Variants in NCOR2 observed in about 807,000 individuals in gnomAD.
NCOR2 encodes CTG repeat protein 26.
NCOR2 carries 81 observed loss-of-function variants against 262.9 expected under a neutral mutation model. The ratio of observed to expected loss-of-function variants is 0.31; its 90% CI spans 0.26 to 0.37. NCOR2 has a LOEUF of 0.37. NCOR2 is among the 10% of genes least tolerant of loss of function. The pLI, the probability that NCOR2 is intolerant of heterozygous loss-of-function variation, is 1.00. For synonymous variants in NCOR2, 1,659 were observed against 1,559.3 expected, an observed-to-expected ratio of 1.06 and a Z score of -1.51; for missense variants, 3,385 against 3,621.4, an observed-to-expected ratio of 0.93 and a Z score of 1.68.
chr12:124,550,504 ATGG>A (rs2051681434), intron 1 of NCOR2, among the ~76,000 whole-genome samples: 1 of 151,986 alleles, frequency 6.6e-6, no homozygotes, highest in Non-Finnish European at 1.5e-5. Context: ...CAGGGGGAGG[ATGG>A]TGAACGGGGG....
At chr12:124,473,235 G>T in intron 3 of NCOR2, 104 bp from the exon 6 acceptor site, 1 of 1,314,836 alleles carries the variant, frequency 7.6e-7, no homozygotes, top group Non-Finnish European at 1.1e-6. Flanking sequence ...ATTGAAGGAG[G>T]CAAAGTATTG....
intron 1 of NCOR2, among the ~76,000 whole-genome samples, chr12:124,511,563 G>A (rs1251731936): frequency 6.6e-6 from 1 of 152,246 alleles, no homozygotes; most frequent in Non-Finnish European, 1.5e-5. Context: ...AGAGCCTCCT[G>A]CCTCTGGGTC....
chr12:124,421,440 T>C (rs893758322), intron 12 of NCOR2, among the ~76,000 whole-genome samples: 2 of 152,352 alleles, frequency 1.3e-5, no homozygotes, highest in African/African-American at 4.8e-5. Context: ...ACGTCGTCAC[T>C]CAGAAGATGG....
chr12:124,398,015 G>A, intron 16 of NCOR2, 104 bp downstream of exon 18: 1 of 1,352,994 alleles, frequency 7.4e-7, no homozygotes, highest in Non-Finnish European at 1.1e-6. Flanking sequence ...CCTCACCACA[G>A]CCCCTGGCTC....
intron 37 of NCOR2, 145 bp downstream of exon 39, chr12:124,339,861 C>A (rs182960157): frequency 1.8e-6 from 2 of 1,099,726 alleles, no homozygotes; most frequent in East Asian, 5.3e-5. Flanking sequence ...CCACTACTCA[C>A]ACATAGTCTA....
chr12:124,406,537 A>C (rs1420583922), intron 13 of NCOR2, among the ~76,000 whole-genome samples: 2 of 152,164 alleles, frequency 1.3e-5, no homozygotes, highest in Non-Finnish European at 2.9e-5. Flanking sequence ...ACGTGAGGGG[A>C]CTGAAAGGAG....
exon 32 of NCOR2, chr12:124,344,906 T>G: frequency 6.3e-7 from 1 of 1,576,408 alleles, no homozygotes; most frequent in Non-Finnish European, 8.6e-7. Flanking sequence ...TCGTGCTTTT[T>G]GGAGCCAGTG....
intron 1 of NCOR2, among the ~76,000 whole-genome samples, chr12:124,489,965 G>C (rs1275319667): frequency 6.6e-6 from 1 of 152,158 alleles, no homozygotes; most frequent in Non-Finnish European, 1.5e-5. Context: ...ACACTGAAAG[G>C]AAAGGAAGAA....
chr12:124,340,694 C>G (rs1464537963), exon 35 of NCOR2: 1 of 1,531,938 alleles, frequency 6.5e-7, no homozygotes, highest in African/African-American at 1.4e-5. Flanking sequence ...GGCTGGGGTG[C>G]CTGGTGTCGG....
intron 16 of NCOR2, among the ~76,000 whole-genome samples, chr12:124,395,701 C>T (rs938781212): frequency 3.9e-5 from 6 of 151,932 alleles, no homozygotes; most frequent in South Asian, 2.1e-4. Context: ...GCGGTGGGGG[C>T]GGGGGTGGTC....
At chr12:124,495,341 A>C, upstream of NCOR2, 1 of 1,470,036 alleles carries the variant, frequency 6.8e-7, no homozygotes, top group Non-Finnish European at 9.0e-7. This position sits in a 1 kb window ranked among gnomAD's most constrained non-coding sequence, Gnocchi z 4.4. Flanking sequence ...CCTCGTCATC[A>C]GCTCACGGGC....
At chr12:124,532,723 G>A (rs1416077446) in intron 1 of NCOR2, among the ~76,000 whole-genome samples, 10 of 152,154 alleles carry the variant, frequency 6.6e-5, no homozygotes, top group Non-Finnish European at 1.2e-4. Context: ...GCCGATGGAC[G>A]GGGGACAGAG....
chr12:124,395,593 C>T (rs1458170879), intron 16 of NCOR2, among the ~76,000 whole-genome samples: 1 of 152,200 alleles, frequency 6.6e-6, no homozygotes, highest in African/African-American at 2.4e-5. Context: ...CTCCTCTCCG[C>T]CGGTGAGTCA....
At chr12:124,325,392 C>CCCCGGG in exon 47 of NCOR2, 2 of 1,152,266 alleles carry the variant, frequency 1.7e-6, no homozygotes, top group Non-Finnish European at 2.2e-6. Flanking sequence ...CCCCCCCGCC[C>CCCCGGG]TGTTCTGAGT....
At chr12:124,558,635 C>G (rs2051964730) in intron 1 of NCOR2, among the ~76,000 whole-genome samples, 1 of 152,194 alleles carries the variant, frequency 6.6e-6, no homozygotes, top group African/African-American at 2.4e-5. Context: ...CAATGATCCA[C>G]TTTTGCATAG....
At chr12:124,505,183 G>A (rs1330738815) in intron 1 of NCOR2, among the ~76,000 whole-genome samples, 1 of 152,126 alleles carries the variant, frequency 6.6e-6, no homozygotes, top group Non-Finnish European at 1.5e-5. Flanking sequence ...TACATGCCCT[G>A]CCTGGCTGGT....
Position 124,362,373 on chromosome 12 carries a change from G to C in NCOR2, c.2929-76C>G, listed in dbSNP as rs74820880. 5,362 of 1,276,388 alleles carry C rather than the reference G, an allele frequency of 4.2e-3. 204 individuals carry two copies. In the African/African-American group the frequency reaches 0.071, roughly 17 times the overall value. 79.1% of individuals were successfully genotyped at this position (1,276,388 alleles called of 1,614,324 possible). ...CAGGGTCAGGGAGAGACATGCACGC[G>C]ACCAGCCTGGAAACCAAGGCCCGGG... On this transcript the variant is annotated intron_variant, in intron 21 of 46. Transcript: ENST00000405201.
At chr12:124,529,179 CAAAAAAAAAAAAAA>C (rs148397454) in intron 1 of NCOR2, among the ~76,000 whole-genome samples, 1 of 52,182 alleles carries the variant, frequency 1.9e-5, no homozygotes, top group Non-Finnish European at 3.4e-5. Flanking sequence ...AACTCCGACT[CAAAAAAAAAAAAAA>C]AAAAAAAAAC....
At chr12:124,409,968 C>T (rs551475774) in intron 13 of NCOR2, among the ~76,000 whole-genome samples, 7 of 151,808 alleles carry the variant, frequency 4.6e-5, no homozygotes, top group South Asian at 2.1e-4. Flanking sequence ...CATGAGCCAC[C>T]GCACCGGGGT....
Sources: allele counts gnomAD v4.1 joint callset (sites outside exome capture counted in the v4.1 genomes callset), GRCh38; gene constraint gnomAD v4.1.1; non-coding constraint Gnocchi (gnomAD v3.1); transcripts MANE v1.5; gene names NCBI Gene and HGNC (gene_info 2026-07-23, HGNC 2026-07-21).